The following USH1C variants were observed in gnomAD, a reference collection of about 807,000 sequenced individuals.
USH1C encodes the protein harmonin.
USH1C carries 90 observed loss-of-function variants against 119.3 expected under a neutral mutation model. That is an observed-to-expected ratio of 0.75 (90% confidence interval 0.64 to 0.90). The LOEUF is 0.90. USH1C is among the 40% of genes least tolerant of loss of function. The pLI is 0.00. For synonymous variants in USH1C, 465 were observed against 443.3 expected (o/e 1.05, Z -0.62); for missense variants, 1,165 against 1,167.7 (o/e 1.00, Z 0.03).
At chr11:17,504,603 G>A in intron 20 of USH1C, 44 bp downstream of exon 20, 1 of 1,605,324 alleles carries the variant, frequency 6.2e-7, no homozygotes, top group Non-Finnish European at 8.5e-7. Flanking sequence ...GGAGGGACGG[G>A]GGTGGTGGGG....
intron 13 of USH1C, 116 bp downstream of exon 13, chr11:17,521,230 C>T: frequency 8.4e-7 from 1 of 1,184,388 alleles, no homozygotes; most frequent in Non-Finnish European, 1.3e-6. Context: ...AAAGGAGGAC[C>T]CACCAGGGGA....
intron 9 of USH1C, among the ~76,000 whole-genome samples, chr11:17,523,983 AAAG>A (rs1592006255): frequency 1.3e-5 from 2 of 152,238 alleles, no homozygotes; most frequent in East Asian, 3.8e-4. Context: ...TAACTTGTCC[AAAG>A]AAGAGGTTAA....
intron 8 of USH1C, 69 bp downstream of exon 8, chr11:17,526,277 AG>A: frequency 7.7e-7 from 1 of 1,306,564 alleles, no homozygotes; most frequent in Admixed American, 1.7e-5. Context: ...GCAGTGAGGA[AG>A]GGGAGGGCAA....
At chr11:17,498,689 C>A (rs1478149659) in intron 23 of USH1C, among the ~76,000 whole-genome samples, 1 of 152,218 alleles carries the variant, frequency 6.6e-6, no homozygotes, top group East Asian at 1.9e-4. Context: ...TGTTCCCTAC[C>A]TTGCTTTCTC....
chr11:17,504,527 G>T, intron 20 of USH1C, 120 bp downstream of exon 20: 1 of 1,095,440 alleles, frequency 9.1e-7, no homozygotes, highest in Non-Finnish European at 1.4e-6. Flanking sequence ...CCTGAGGCTT[G>T]GTGGCAGATG....
In USH1C at chr11:17,521,387, C is replaced by T; in HGVS notation, c.1044G>A (p.Lys348=). The part of the protein sequence containing the change: ...ERQRRKEIAQ[K]AAEENERYRK... ...GGTATCTCTCATTTTCCTCTGCTGC[C>T]TTCTGGGCAATTTCTTTTCTCCTTC... Residue 348 remains lysine, a synonymous_variant, in exon 13 of 27, where the codon AAG becomes AAA. Coordinates refer to ENST00000005226, the MANE Select transcript of USH1C (RefSeq NM_153676.4). 3 of 1,614,162 alleles carry T rather than the reference C, an allele frequency of 1.9e-6. No homozygotes were observed. The highest frequency in any genetic ancestry group is 2.5e-6 in the Non-Finnish European group (3 of 1,180,038).
intron 16 of USH1C, among the ~76,000 whole-genome samples, chr11:17,511,031 C>T (rs1849865363): frequency 6.6e-6 from 1 of 152,184 alleles, no homozygotes; most frequent in Non-Finnish European, 1.5e-5. Context: ...ATCAAATTGG[C>T]ATTCTGATTC....
At chr11:17,496,943 C>G in intron 24 of USH1C, 130 bp from the exon 25 acceptor site, 1 of 1,015,012 alleles carries the variant, frequency 9.9e-7, no homozygotes, top group South Asian at 1.5e-5. Flanking sequence ...CACGGGCCCA[C>G]CTGGGGCCCA....
chr11:17,512,690 C>T (rs1251619194), intron 15 of USH1C, among the ~76,000 whole-genome samples: 1 of 152,190 alleles, frequency 6.6e-6, no homozygotes, highest in Non-Finnish European at 1.5e-5. Context: ...ATTTTACCCG[C>T]ATGCTTAAGC....
chr11:17,543,624 C>T (rs551247679), intron 1 of USH1C, among the ~76,000 whole-genome samples: 69 of 152,308 alleles, frequency 4.5e-4, no homozygotes, highest in Middle Eastern at 3.4e-3. Context: ...TGAGGCCCCT[C>T]ACTGGGACAC....
chr11:17,500,057 G>A (rs1364619334), intron 23 of USH1C, among the ~76,000 whole-genome samples: 1 of 152,256 alleles, frequency 6.6e-6, no homozygotes, highest in Admixed American at 6.5e-5. Context: ...ACCAATGGTG[G>A]GGTTTCAGAC....
intron 14 of USH1C, 180 bp from the exon 15 acceptor site, chr11:17,516,470 T>C (rs1454279258): frequency 8.7e-6 from 6 of 688,022 alleles, no homozygotes; most frequent in Middle Eastern, 2.9e-4. Context: ...CTTGCCTTGG[T>C]TGCAGAACAG....
chr11:17,495,752 C>T, intron 25 of USH1C, 75 bp from the exon 26 acceptor site: 3 of 1,496,790 alleles, frequency 2.0e-6, no homozygotes, highest in South Asian at 1.1e-5. Context: ...GGGGCTTCTC[C>T]TTTCACTGGG....
intron 20 of USH1C, among the ~76,000 whole-genome samples, chr11:17,502,947 A>C (rs1333037747): frequency 6.6e-6 from 1 of 152,138 alleles, no homozygotes; most frequent in Non-Finnish European, 1.5e-5. Flanking sequence ...AGGTCCCTAG[A>C]CCACACCAAG....
chr11:17,524,601 T>C, intron 8 of USH1C, 66 bp from the exon 9 acceptor site: 5 of 1,531,550 alleles, frequency 3.3e-6, no homozygotes, highest in Non-Finnish European at 4.4e-6. Context: ...AGGATACAGG[T>C]CACTCATGAG....
At chr11:17,498,141 A>T in intron 24 of USH1C, 21 bp downstream of exon 24, 2 of 1,607,142 alleles carry the variant, frequency 1.2e-6, no homozygotes, top group Non-Finnish European at 8.5e-7. Flanking sequence ...GGAGGAAAGG[A>T]GGGAGGGGCC....
intron 20 of USH1C, among the ~76,000 whole-genome samples, chr11:17,503,879 C>T (rs1016615783): frequency 6.6e-5 from 10 of 152,198 alleles, no homozygotes; most frequent in Admixed American, 2.0e-4. Context: ...CCTCTTTTGC[C>T]AACACCTATG....
chr11:17,509,199 A>G (rs537581407), intron 18 of USH1C, among the ~76,000 whole-genome samples, 157 bp downstream of exon 18: 4 of 152,338 alleles, frequency 2.6e-5, no homozygotes, highest in African/African-American at 7.2e-5. Context: ...TACATGCAGG[A>G]TGTCCACACA....
At chr11:17,506,972 A>G (rs1485283299) in intron 18 of USH1C, among the ~76,000 whole-genome samples, 1 of 152,240 alleles carries the variant, frequency 6.6e-6, no homozygotes, top group Admixed American at 6.5e-5. Flanking sequence ...GAATAAATGA[A>G]TGACTAAATA....
Sources: allele counts gnomAD v4.1 joint callset (sites outside exome capture counted in the v4.1 genomes callset), GRCh38; gene constraint gnomAD v4.1.1; transcripts MANE v1.5; gene names NCBI Gene and HGNC (gene_info 2026-07-23, HGNC 2026-07-21).